FOXP1: variants seen among roughly 807,000 people sequenced by gnomAD.
FOXP1 encodes forkhead box protein P1.
FOXP1 carries 15 observed loss-of-function variants against 98.2 expected under a neutral mutation model. The observed-to-expected ratio is 0.15, with a 90% CI of 0.10 to 0.24. FOXP1 has a LOEUF of 0.24. Among genes scored for constraint, FOXP1 ranks in the 10% least tolerant of loss-of-function variants. FOXP1 has a pLI of 1.00. For missense variants in FOXP1, 633 were observed against 848.5 expected (o/e 0.75, Z 3.15); for synonymous variants, 371 against 314.5 (o/e 1.18, Z -1.90).
At chr3:71,221,423 T>C (rs1377574046) in intron 5 of FOXP1, among the ~76,000 whole-genome samples, 1 of 152,198 alleles carries the variant, frequency 6.6e-6, no homozygotes, top group Non-Finnish European at 1.5e-5. Flanking sequence ...TGGTTTCAAG[T>C]GGCTTAGAGA....
At position 71,028,461 on chromosome 3, in the gene FOXP1, TC is replaced by T. The variant is rs531102993; in HGVS notation, c.870-12809del. On this transcript the variant is annotated intron_variant, in intron 11 of 20. Transcript: ENST00000649528. ...CAGTAGCCTGTATTTTAGCCATTCC[TC>T]CAGGGGGATTCTGAGGCAAGCTAAA... Among the ~76,000 whole-genome samples, 64 of 152,338 alleles carry T rather than the reference TC, an allele frequency of 4.2e-4. 1 individual carries two copies. The South Asian group carries it at 0.013, about 32-fold the overall frequency.
At chr3:71,078,030 C>G (rs112625019) in intron 7 of FOXP1, among the ~76,000 whole-genome samples, 5,139 of 152,236 alleles carry the variant, frequency 0.034, 307 homozygotes, top group African/African-American at 0.12. Context: ...CAGGGTTTCT[C>G]CATGTCTGTC....
intron 6 of FOXP1, among the ~76,000 whole-genome samples, chr3:71,120,705 G>C (rs1421947795): frequency 6.6e-6 from 1 of 152,140 alleles, no homozygotes; most frequent in African/African-American, 2.4e-5. Flanking sequence ...GGGGACGGTG[G>C]GGAAGAGGTA....
At chr3:71,300,476 A>C (rs1279214748) in intron 4 of FOXP1, among the ~76,000 whole-genome samples, 1 of 152,192 alleles carries the variant, frequency 6.6e-6, no homozygotes, top group Non-Finnish European at 1.5e-5. Flanking sequence ...TAAATTAAAA[A>C]GGGTTCATGT....
chr3:71,102,939 A>G (rs1262160264), intron 7 of FOXP1, among the ~76,000 whole-genome samples: 3 of 152,186 alleles, frequency 2.0e-5, no homozygotes, highest in Admixed American at 2.0e-4. Context: ...CCCCTGTAAA[A>G]TGGGAATAAT....
chr3:71,238,672 G>T (rs977288472), intron 5 of FOXP1, among the ~76,000 whole-genome samples: 2 of 152,196 alleles, frequency 1.3e-5, no homozygotes, highest in African/African-American at 4.8e-5. Flanking sequence ...GTTCACAACA[G>T]TTCTAGACCA....
At chr3:71,178,914 A>C (rs1297306127) in intron 6 of FOXP1, among the ~76,000 whole-genome samples, 7 of 151,440 alleles carry the variant, frequency 4.6e-5, no homozygotes, top group South Asian at 4.2e-4. Context: ...CAAAAAAAAA[A>C]CAAAAATTAT....
At chr3:71,511,218 T>C (rs1428322490) in intron 2 of FOXP1, among the ~76,000 whole-genome samples, 2 of 152,198 alleles carry the variant, frequency 1.3e-5, no homozygotes, top group Non-Finnish European at 2.9e-5. Context: ...TTATGTCCCC[T>C]GCAGAGCCCC....
chr3:71,051,546 CA>C (rs2049894567), intron 9 of FOXP1, among the ~76,000 whole-genome samples: 2 of 152,268 alleles, frequency 1.3e-5, no homozygotes, highest in South Asian at 4.2e-4. Flanking sequence ...TGCAAAAGAA[CA>C]AAAGTGGCCA....
chr3:71,352,185 G>A (rs1000110122), intron 4 of FOXP1, among the ~76,000 whole-genome samples: 9 of 152,182 alleles, frequency 5.9e-5, no homozygotes, highest in African/African-American at 1.9e-4. Flanking sequence ...CCAGGGTACG[G>A]CTGGGTGTGG....
intron 6 of FOXP1, among the ~76,000 whole-genome samples, chr3:71,113,720 A>AATAAAATAAAATAAC (rs2058127890): frequency 6.8e-6 from 1 of 147,358 alleles, no homozygotes; most frequent in South Asian, 2.1e-4. Context: ...CTCAAAATAA[A>AATAAAATAAAATAAC]ATAAAATAAA....
At chr3:71,476,897 G>T (rs1178823235) in intron 3 of FOXP1, among the ~76,000 whole-genome samples, 1 of 152,098 alleles carries the variant, frequency 6.6e-6, no homozygotes, top group Non-Finnish European at 1.5e-5. Flanking sequence ...TTAGGTCTAT[G>T]ACATTCCCCA....
intron 14 of FOXP1, among the ~76,000 whole-genome samples, chr3:70,979,782 A>G (rs1254965252): frequency 1.3e-5 from 2 of 151,192 alleles, no homozygotes; most frequent in African/African-American, 4.8e-5. Flanking sequence ...TCTAGTTAAA[A>G]AAAAAAAAAA....
intron 2 of FOXP1, among the ~76,000 whole-genome samples, chr3:71,504,057 T>C (rs1271347470): frequency 2.0e-5 from 3 of 152,190 alleles, no homozygotes; most frequent in African/African-American, 7.2e-5. Flanking sequence ...TGCCAACAAC[T>C]GTTTGAGATG....
intron 6 of FOXP1, among the ~76,000 whole-genome samples, chr3:71,147,007 C>A (rs1203296451): frequency 6.6e-6 from 1 of 152,242 alleles, no homozygotes; most frequent in Non-Finnish European, 1.5e-5. Flanking sequence ...CCACACAAAG[C>A]CCCTCGTGCT....
At chr3:71,016,700 C>T (rs1312249571) in intron 11 of FOXP1, among the ~76,000 whole-genome samples, 1 of 150,918 alleles carries the variant, frequency 6.6e-6, no homozygotes, top group East Asian at 1.9e-4. Flanking sequence ...CATGCATACA[C>T]ACAAGAGGCC....
intron 2 of FOXP1, chr3:71,581,317 T>C (rs988407113): frequency 5.1e-6 from 5 of 985,228 alleles, no homozygotes; most frequent in African/African-American, 1.7e-5. Flanking sequence ...ACGCTAAACT[T>C]TGATCTCCAG....
intron 2 of FOXP1, among the ~76,000 whole-genome samples, chr3:71,563,330 G>A (rs2046678426): frequency 5.3e-5 from 8 of 152,104 alleles, no homozygotes; most frequent in Admixed American, 5.2e-4. Context: ...AGGGCACATG[G>A]AGAGGCCCCC....
intron 4 of FOXP1, among the ~76,000 whole-genome samples, chr3:71,351,997 A>C (rs2077813857): frequency 6.6e-6 from 1 of 152,196 alleles, no homozygotes. Flanking sequence ...AGCAAAAAGA[A>C]AGCATTTGAA....
Sources: allele counts gnomAD v4.1 joint callset (sites outside exome capture counted in the v4.1 genomes callset), GRCh38; gene constraint gnomAD v4.1.1; transcripts MANE v1.5; gene names NCBI Gene and HGNC (gene_info 2026-07-23, HGNC 2026-07-21).